ZNF566: variants seen among roughly 807,000 people sequenced by gnomAD.
The protein encoded by ZNF566 is zinc finger protein 566.
A neutral mutation model predicts 32.8 loss-of-function variants in ZNF566; 27 were observed. The observed-to-expected ratio is 0.82, with a 90% CI of 0.61 to 1.14. The LOEUF (loss-of-function observed/expected upper bound fraction) is 1.14. ZNF566 is among the 50% of genes most tolerant of loss of function. The probability of loss-of-function intolerance (pLI) is 0.00; values close to 1 mark genes in which losing one functional copy is unlikely to be tolerated. For synonymous variants in ZNF566, 154 were observed against 159.5 expected (o/e 0.97, Z 0.26); for missense variants, 402 against 490.4 (o/e 0.82, Z 1.70).
chr19:36,460,050 G>C (rs1343437231), intron 4 of ZNF566, among the ~76,000 whole-genome samples: 4 of 151,034 alleles, frequency 2.6e-5, no homozygotes, highest in Non-Finnish European at 4.4e-5. Context: ...CAAGTGATCT[G>C]CCCACCTTGA....
At chr19:36,450,697 G>A (rs2033133066) in intron 4 of ZNF566, among the ~76,000 whole-genome samples, 1 of 152,142 alleles carries the variant, frequency 6.6e-6, no homozygotes, top group East Asian at 1.9e-4. Flanking sequence ...ACTGTTAACA[G>A]GGCTATTGTC....
At chr19:36,457,937 C>T (rs2033359478) in intron 4 of ZNF566, among the ~76,000 whole-genome samples, 1 of 152,024 alleles carries the variant, frequency 6.6e-6, no homozygotes, top group Admixed American at 6.6e-5. Flanking sequence ...CCTGTCAGAA[C>T]TGCTATTATC....
intron 2 of ZNF566, 86 bp downstream of exon 2, chr19:36,476,463 A>T: frequency 7.7e-7 from 1 of 1,305,470 alleles, no homozygotes; most frequent in Non-Finnish European, 1.1e-6. Context: ...TCTAACATCA[A>T]AAAGCATCAT....
intron 1 of ZNF566, among the ~76,000 whole-genome samples, chr19:36,487,590 T>C (rs993227705): frequency 9.9e-5 from 15 of 152,130 alleles, no homozygotes; most frequent in African/African-American, 3.6e-4. Context: ...TGCTGCATAA[T>C]TGCATATATA....
chr19:36,455,739 C>CA lies in ZNF566; in HGVS notation c.233-5739dup, dbSNP rs995016865. ...TGGGTGACAGAGCGAGACTCTGTCT[C>CA]AAAAAAAAAGAAGTAATAAGGCCTC... On this transcript the variant is annotated intron_variant, in intron 4 of 4. Transcript: ENST00000452939. 1.0e-4 allele frequency among the ~76,000 whole-genome samples: 15 copies of CA among 147,998 alleles called. 1 individual carries two copies. The highest frequency in any genetic ancestry group is 3.5e-3 in the Middle Eastern group (1 of 284).
At chr19:36,464,346 G>A (rs1367034696) in intron 4 of ZNF566, among the ~76,000 whole-genome samples, 2 of 151,460 alleles carry the variant, frequency 1.3e-5, no homozygotes, top group Admixed American at 6.6e-5. Flanking sequence ...TTTAAGAGAC[G>A]GTGTTTCCCT....
intron 1 of ZNF566, among the ~76,000 whole-genome samples, chr19:36,484,591 T>TTC (rs1345684407): frequency 7.3e-6 from 1 of 136,914 alleles, no homozygotes; most frequent in African/African-American, 2.8e-5. Flanking sequence ...TAGTTTCTTT[T>TTC]TTTTTTTTTT....
chr19:36,455,835 T>C (rs2033291644), intron 4 of ZNF566, among the ~76,000 whole-genome samples: 1 of 151,550 alleles, frequency 6.6e-6, no homozygotes, highest in South Asian at 2.1e-4. Context: ...TGTCAGGAGA[T>C]CGAGACCATC....
intron 4 of ZNF566, among the ~76,000 whole-genome samples, chr19:36,453,707 C>A (rs2033228758): frequency 6.6e-6 from 1 of 151,648 alleles, no homozygotes; most frequent in Non-Finnish European, 1.5e-5. Flanking sequence ...TTTTGAGAAA[C>A]AGGGTCTTGC....
intron 4 of ZNF566, among the ~76,000 whole-genome samples, chr19:36,463,345 T>C (rs1017809695): frequency 3.3e-5 from 5 of 151,924 alleles, no homozygotes; most frequent in Non-Finnish European, 5.9e-5. Flanking sequence ...CAAAAATATA[T>C]AGAAAATACC....
chr19:36,462,994 C>T (rs1054474226), intron 4 of ZNF566, among the ~76,000 whole-genome samples: 2 of 118,504 alleles, frequency 1.7e-5, no homozygotes, highest in African/African-American at 5.7e-5. Context: ...AAAAAAATCC[C>T]ATTTCCTGTG....
intron 1 of ZNF566, among the ~76,000 whole-genome samples, 170 bp from the exon 2 acceptor site, chr19:36,476,786 G>A (rs1466192628): frequency 1.3e-5 from 2 of 152,148 alleles, no homozygotes; most frequent in Non-Finnish European, 2.9e-5. Flanking sequence ...GCTGTAACTG[G>A]AGCAGGATGG....
chr19:36,462,427 C>T (rs2033491354), intron 4 of ZNF566, among the ~76,000 whole-genome samples: 1 of 151,966 alleles, frequency 6.6e-6, no homozygotes, highest in Non-Finnish European at 1.5e-5. Flanking sequence ...AGTTACCTCC[C>T]TCTGCTATGT....
intron 4 of ZNF566, among the ~76,000 whole-genome samples, chr19:36,464,755 C>A (rs2033570894): frequency 6.6e-6 from 1 of 151,666 alleles, no homozygotes; most frequent in Non-Finnish European, 1.5e-5. Context: ...GCCTGGGTGA[C>A]TTTTTCTGTC....
chr19:36,476,243 T>G, intron 2 of ZNF566: 1 of 212,300 alleles, frequency 4.7e-6, no homozygotes, highest in Non-Finnish European at 9.3e-6. Flanking sequence ...GAGGCAGAGG[T>G]TGCAGTAAGC....
intron 4 of ZNF566, among the ~76,000 whole-genome samples, chr19:36,452,353 A>G (rs2033179718): frequency 1.3e-5 from 2 of 151,874 alleles, no homozygotes; most frequent in East Asian, 3.9e-4. Flanking sequence ...AGAAAACTGA[A>G]GGCTTTAGGG....
rs34052223 is a variant in ZNF566 at position 36,484,587 on chromosome 19, C to CTTTT, written c.-60+4895_-60+4898dup. 6.1e-4 allele frequency among the ~76,000 whole-genome samples: 68 copies of CTTTT among 111,912 alleles called. 1 individual carries two copies. Among genetic ancestry groups the CTTTT allele is most frequent in the Middle Eastern group, 0.011 (2 of 182 alleles). The allele number at this position is 111,912 out of a possible 152,430, so 73.4% of individuals were successfully genotyped here. ...GAGAAATAGGATTTTGGCATAGTTT[C>CTTTT]TTTTTTTTTTTTTTTTTTTTGAGAT... On this transcript the variant is annotated intron_variant, in intron 1 of 4. Transcript: ENST00000452939.
intron 4 of ZNF566, 64 bp from the exon 5 acceptor site, chr19:36,450,065 C>T: frequency 7.2e-7 from 1 of 1,380,346 alleles, no homozygotes; most frequent in Non-Finnish European, 9.8e-7. Flanking sequence ...AAACTTCAAT[C>T]AATATGGGAG....
intron 4 of ZNF566, among the ~76,000 whole-genome samples, chr19:36,452,161 G>C (rs1378058503): frequency 6.6e-6 from 1 of 151,680 alleles, no homozygotes; most frequent in Admixed American, 6.6e-5. Context: ...GGTAAGGAAG[G>C]TACAGCTTTG....
Sources: gnomAD v4.1 joint callset for allele counts (sites outside exome capture counted in the v4.1 genomes callset) on GRCh38, gnomAD v4.1.1 for gene constraint, MANE v1.5 for transcripts, NCBI Gene and HGNC (gene_info 2026-07-23, HGNC 2026-07-21) for gene names.